The following TRIM29 variants were observed in gnomAD, a reference collection of about 807,000 sequenced individuals.
TRIM29 encodes tripartite motif-containing protein 29.
A neutral mutation model predicts 57.3 loss-of-function variants in TRIM29; 52 were observed. That is an observed-to-expected ratio of 0.91 (90% CI 0.73 to 1.14). TRIM29 has a LOEUF of 1.14. Among genes scored for constraint, TRIM29 ranks in the 50% most tolerant of loss-of-function variants. The probability of loss-of-function intolerance (pLI) is 0.00; values close to 1 mark genes in which losing one functional copy is unlikely to be tolerated. For missense variants in TRIM29, 753 were observed against 774.6 expected (o/e 0.97, Z 0.33); for synonymous variants, 319 against 316.9 (o/e 1.01, Z -0.07).
chr11:120,121,705 T>C (rs1863450297), intron 5 of TRIM29: 1 of 225,414 alleles, frequency 4.4e-6, no homozygotes, highest in Admixed American at 4.5e-5. Context: ...GGCATCATAG[T>C]GGGTGCTGCT....
At chr11:120,131,187 G>T (rs571586624) in intron 1 of TRIM29, among the ~76,000 whole-genome samples, 3 of 152,292 alleles carry the variant, frequency 2.0e-5, no homozygotes, top group African/African-American at 7.2e-5. Context: ...GGTGAGGGCT[G>T]CATGGTTGGG....
intron 1 of TRIM29, among the ~76,000 whole-genome samples, chr11:120,130,372 C>T (rs943254789): frequency 1.1e-4 from 17 of 152,188 alleles, no homozygotes; most frequent in Non-Finnish European, 2.4e-4. Flanking sequence ...CTTACCACCC[C>T]GAGGACAAGG....
chr11:120,111,325 C>T lies in TRIM29; in HGVS notation c.*1089G>A, dbSNP rs1863126514. 1 of 152,548 alleles carries T rather than the reference C, an allele frequency of 6.6e-6. No homozygotes were observed. Among genetic ancestry groups the T allele is most frequent in the Non-Finnish European group, 1.5e-5 (1 of 68,120 alleles). The allele number at this position is 152,548 out of a possible 1,614,324, so 9.4% of individuals were successfully genotyped here. A position where few individuals can be genotyped will look rare whatever the true frequency, so the allele number is the denominator to read the frequency against. ...TTTATTCCAAAGGGGAAAGCCCAAG[C>T]TGGATGTCTCCCTCCCCAACCCCTG... On this transcript the variant is annotated 3_prime_UTR_variant, in exon 9 of 9. Transcript: ENST00000341846.
intron 4 of TRIM29, chr11:120,125,031 T>C: frequency 6.6e-6 from 1 of 152,404 alleles, no homozygotes; most frequent in East Asian, 1.9e-4. Flanking sequence ...AGGGACTGGG[T>C]GGAAAAGGAC....
chr11:120,124,535 T>C (rs1863538385), intron 4 of TRIM29: 1 of 152,162 alleles, frequency 6.6e-6, no homozygotes, highest in South Asian at 2.1e-4. Context: ...TAAAATGCAG[T>C]ACACCCCACA....
At chr11:120,113,827 G>T (rs519672) in intron 8 of TRIM29, among the ~76,000 whole-genome samples, 1 of 151,936 alleles carries the variant, frequency 6.6e-6, no homozygotes, top group Non-Finnish European at 1.5e-5. Flanking sequence ...CTTTGAGGAA[G>T]ATTGGGTCAA....
At chr11:120,115,604 A>C (rs1863248468) in intron 7 of TRIM29, 190 bp from the exon 8 acceptor site, 3 of 585,074 alleles carry the variant, frequency 5.1e-6, no homozygotes, top group Non-Finnish European at 9.1e-6. Context: ...AGGCTGGCCA[A>C]AGGGAGGAGG....
rs545668916 is a variant in TRIM29 at position 120,137,544 on chromosome 11, C to G, written c.488G>C (p.Arg163Pro). The change falls in exon 1 of 9, where the codon CGG becomes CCG. Residue 163 changes from arginine (R) to proline (P), a missense_variant. By Grantham distance (103) the Arg-to-Pro change is moderately radical. Coordinates refer to ENST00000341846, the MANE Select transcript of TRIM29 (RefSeq NM_012101.4). The surrounding 1 kb of genome is among the most constrained non-coding windows in gnomAD (Gnocchi z 6.2). ...CACCTCCTCGGAGCCGGACTTGGAC[C>G]GTGAAAAAAGGCCCGTGTCGGCCCG... ...YPRADTGLFS[R>P]SKSGSEEVLC... 3.7e-6 allele frequency: 6 copies of G among 1,609,008 alleles called. No homozygotes were observed. The East Asian group carries it at 1.1e-4, about 30-fold the overall frequency.
Position 120,127,558 on chromosome 11 carries a change from G to T in TRIM29, c.912C>A (p.Thr304=). ...TCTGCTCCAGGATGGCCTTCTCATT[G>T]GTGGTGAAGCTCTGGAGGTCCAGAG... ...KEKDRIKSFT[T]NEKAILEQNF... The change falls in exon 3 of 9, where the codon ACC becomes ACA. Residue 304 remains threonine (T), a synonymous_variant. Coordinates refer to ENST00000341846, the MANE Select transcript of TRIM29 (RefSeq NM_012101.4). 2 of 1,613,818 alleles carry T rather than the reference G, an allele frequency of 1.2e-6. No individual in the cohort carries two copies. The highest frequency in any genetic ancestry group is 1.7e-6 in the Non-Finnish European group (2 of 1,179,840).
At chr11:120,128,537 G>A (rs1237304611) in intron 1 of TRIM29, 42 bp from the exon 2 acceptor site, 4 of 1,589,076 alleles carry the variant, frequency 2.5e-6, no homozygotes, top group Non-Finnish European at 2.6e-6. Context: ...AGGGGGAGGA[G>A]ATGGAAGAGA....
chr11:120,128,908 T>G, intron 1 of TRIM29: 1 of 1,422,352 alleles, frequency 7.0e-7, no homozygotes, highest in Non-Finnish European at 9.2e-7. Flanking sequence ...GCCCAGGGAG[T>G]GTCTCGTGGC....
intron 8 of TRIM29, among the ~76,000 whole-genome samples, chr11:120,112,853 T>C (rs968090171): frequency 5.9e-5 from 9 of 152,354 alleles, no homozygotes; most frequent in Non-Finnish European, 1.2e-4. Context: ...GAGGGCTGTA[T>C]GTGGATGCAC....
intron 3 of TRIM29, chr11:120,126,148 T>G: frequency 2.1e-6 from 1 of 480,728 alleles, no homozygotes. Context: ...GTTTACCTCA[T>G]AGGGTTTATG....
intron 4 of TRIM29, 51 bp from the exon 5 acceptor site, chr11:120,123,106 C>T (rs1381169089): frequency 6.5e-7 from 1 of 1,546,582 alleles, no homozygotes; most frequent in African/African-American, 1.4e-5. Context: ...GAAGGAGGAG[C>T]CAGCCACTGG....
chr11:120,125,286 G>A (rs570280144), intron 4 of TRIM29: 56 of 233,900 alleles, frequency 2.4e-4, no homozygotes, highest in East Asian at 5.1e-4. Context: ...TCTAGGTCAC[G>A]TCTGCTAGAG....
intron 8 of TRIM29, 51 bp downstream of exon 8, chr11:120,115,287 G>C: frequency 6.3e-7 from 1 of 1,580,878 alleles, no homozygotes; most frequent in Non-Finnish European, 8.6e-7. Flanking sequence ...GCCCCCTTCA[G>C]TGCCCAGGTC....
chr11:120,137,029 T>C lies in TRIM29; in HGVS notation c.804+199A>G, dbSNP rs923346682. On this transcript the variant is annotated intron_variant, in intron 1 of 8. Coordinates refer to ENST00000341846, the MANE Select transcript of TRIM29 (RefSeq NM_012101.4). The surrounding 1 kb of genome is among the most constrained non-coding windows in gnomAD (Gnocchi z 6.2). ...CCCTGTCTCCTGAGACCTTAGGGGA[T>C]TGGGGAGCAACCTCTGATCCCCAGC... Among the ~76,000 whole-genome samples, 6 of 152,098 alleles carry C rather than the reference T, an allele frequency of 3.9e-5. No individual in the cohort carries two copies. The highest frequency in any genetic ancestry group is 3.9e-4 in the Admixed American group (6 of 15,272).
intron 2 of TRIM29, 29 bp downstream of exon 2, chr11:120,128,371 G>A (rs768163405): frequency 1.9e-6 from 3 of 1,604,480 alleles, no homozygotes; most frequent in Non-Finnish European, 2.6e-6. Context: ...GGGTAAGGGA[G>A]CAGCAAGGTG....
At chr11:120,114,456 C>T (rs940943154) in intron 8 of TRIM29, among the ~76,000 whole-genome samples, 80 of 152,340 alleles carry the variant, frequency 5.3e-4, no homozygotes, top group East Asian at 1.2e-3. Context: ...AATCACCTCT[C>T]CTGCTCTGAC....
Sources: allele counts gnomAD v4.1 joint callset (sites outside exome capture counted in the v4.1 genomes callset), GRCh38; gene constraint gnomAD v4.1.1; non-coding constraint Gnocchi (gnomAD v3.1); transcripts MANE v1.5; gene names NCBI Gene and HGNC (gene_info 2026-07-23, HGNC 2026-07-21).